ALMS1: variants seen among roughly 807,000 people sequenced by gnomAD.
The protein encoded by ALMS1 is centrosome-associated protein ALMS1.
A neutral mutation model predicts 352.2 loss-of-function variants in ALMS1; 271 were observed. The observed-to-expected ratio is 0.77, with a 90% CI of 0.70 to 0.85. The LOEUF is 0.85. ALMS1 is among the 40% of genes least tolerant of loss of function. ALMS1 has a pLI of 0.00. For synonymous variants in ALMS1, 1,865 were observed against 1,761.2 expected, an observed-to-expected ratio of 1.06 and a Z score of -1.48; for missense variants, 5,445 against 4,870.7, an observed-to-expected ratio of 1.12 and a Z score of -3.51.
chr2:73,507,286 G>A (rs568267497), intron 10 of ALMS1, among the ~76,000 whole-genome samples: 5 of 152,252 alleles, frequency 3.3e-5, no homozygotes, highest in African/African-American at 1.2e-4. Context: ...GATGATGCTG[G>A]CCTCATAAAA....
rs549757247 is a variant in ALMS1 at position 73,572,894 on chromosome 2, C to A, written c.11017C>A (p.Leu3673Ile). ...TGGTAGACAACAGCAGAGAAATAAG[C>A]TTCAGAAAAAGAAGCGGTTTAAAAG... is the stretch of plus-strand genomic sequence containing the variant. ...WSGRQQQRNKLQKKKRFKSLE... is the reference protein window; with the variant it reads ...WSGRQQQRNKIQKKKRFKSLE... The change falls in exon 16 of 23, where the codon CTT becomes ATT. Residue 3673 changes from leucine to isoleucine, a missense_variant. By Grantham distance (5) the Leu-to-Ile change is conservative. Transcript: ENST00000613296. The A allele has an allele frequency of 1.9e-5, 31 of 1,613,900 alleles. No individual in the cohort carries two copies. In the African/African-American group the frequency reaches 2.4e-4, roughly 13 times the overall value.
chr2:73,444,614 CT>C (rs1324994336), intron 7 of ALMS1, among the ~76,000 whole-genome samples: 2 of 152,140 alleles, frequency 1.3e-5, no homozygotes, highest in Non-Finnish European at 2.9e-5. Context: ...GCCCTATTAT[CT>C]TTTGAAACTA....
At position 73,599,501 on chromosome 2, in the gene ALMS1, T is replaced by TGTTA. The variant is rs760264695; in HGVS notation, c.11648_11649insGTTA (p.Asn3884LeufsTer9). The TGTTA allele has an allele frequency of 8.1e-6, 13 of 1,613,674 alleles. No individual in the cohort carries two copies. The highest frequency in any genetic ancestry group is 1.1e-5 in the Non-Finnish European group (13 of 1,179,708). On this transcript the variant is annotated frameshift_variant, in exon 17 of 23. Coordinates refer to ENST00000613296, the MANE Select transcript of ALMS1 (RefSeq NM_001378454.1). LOFTEE classifies it high-confidence loss of function. ...TGCAACAAGCAGAATGTACACATGT[T>TGTTA]AAACAAGGGCATACAAGCAGGTAAT... is the stretch of plus-strand genomic sequence containing the variant.
intron 12 of ALMS1, among the ~76,000 whole-genome samples, chr2:73,546,242 G>C (rs1248834531): frequency 6.6e-6 from 1 of 152,212 alleles, no homozygotes; most frequent in Non-Finnish European, 1.5e-5. Context: ...TATATGGTAT[G>C]ATCCCTGTAA....
At chr2:73,544,058 C>T (rs1674257095) in intron 12 of ALMS1, among the ~76,000 whole-genome samples, 1 of 152,160 alleles carries the variant, frequency 6.6e-6, no homozygotes, top group African/African-American at 2.4e-5. Flanking sequence ...TATAAAGACA[C>T]ATGCACAGGT....
intron 12 of ALMS1, among the ~76,000 whole-genome samples, chr2:73,542,743 A>G (rs1674216255): frequency 6.6e-6 from 1 of 152,206 alleles, no homozygotes; most frequent in Non-Finnish European, 1.5e-5. Context: ...GAGCCAAATC[A>G]TGAGTGAACT....
chr2:73,434,313 G>A (rs1206165767), intron 7 of ALMS1, among the ~76,000 whole-genome samples: 2 of 151,896 alleles, frequency 1.3e-5, no homozygotes, highest in Non-Finnish European at 2.9e-5. Flanking sequence ...TTATATTTTT[G>A]TTTTAGTTCA....
intron 15 of ALMS1, among the ~76,000 whole-genome samples, chr2:73,567,007 C>T (rs1302268831): frequency 6.6e-6 from 1 of 152,238 alleles, no homozygotes; most frequent in African/African-American, 2.4e-5. Context: ...GGCCTGCCAT[C>T]CTCCCAGCTT....
In ALMS1 at chr2:73,491,086, G is replaced by A. The variant is rs373870241; in HGVS notation, c.9127G>A (p.Ala3043Thr). 20 of 1,614,176 alleles carry A rather than the reference G, an allele frequency of 1.2e-5. No individual in the cohort carries two copies. The highest frequency in any genetic ancestry group is 1.5e-5 in the Non-Finnish European group (18 of 1,180,022). ...SASTPPSNRK[A>T]LSCVHITLCP... ...ATCTACTCCTCCTTCAAATAGAAAA[G>A]CACTTTCTTGTGTTCATATAACTCT... Residue 3043 changes from alanine to threonine, a missense_variant, in exon 10 of 23, where the codon GCA (alanine) becomes ACA (threonine). Coordinates refer to ENST00000613296, the MANE Select transcript of ALMS1 (RefSeq NM_001378454.1).
chr2:73,436,608 T>C (rs1572922491), intron 7 of ALMS1, among the ~76,000 whole-genome samples: 1 of 152,262 alleles, frequency 6.6e-6, no homozygotes, highest in African/African-American at 2.4e-5. Flanking sequence ...GCATAGTCTC[T>C]ATTCATTTAT....
intron 16 of ALMS1, among the ~76,000 whole-genome samples, chr2:73,585,240 A>C (rs1243719736): frequency 6.6e-6 from 1 of 152,148 alleles, no homozygotes; most frequent in Non-Finnish European, 1.5e-5. Flanking sequence ...TTACATTCCC[A>C]CCAGCAGTGT....
chr2:73,442,120 A>T (rs1457500750), intron 7 of ALMS1, among the ~76,000 whole-genome samples: 2 of 152,090 alleles, frequency 1.3e-5, no homozygotes, highest in Non-Finnish European at 2.9e-5. Context: ...TTATTATTAT[A>T]ATGTATATTA....
At chr2:73,569,952 A>G (rs1674884007) in intron 15 of ALMS1, among the ~76,000 whole-genome samples, 1 of 152,386 alleles carries the variant, frequency 6.6e-6, no homozygotes, top group African/African-American at 2.4e-5. Context: ...CATTTTAAAA[A>G]GACTACTTTG....
intron 12 of ALMS1, among the ~76,000 whole-genome samples, chr2:73,540,614 G>A (rs1674153381): frequency 6.6e-6 from 1 of 152,176 alleles, no homozygotes; most frequent in African/African-American, 2.4e-5. Flanking sequence ...TCCGTGTGCT[G>A]TATTCAGGAA....
intron 6 of ALMS1, among the ~76,000 whole-genome samples, chr2:73,428,766 T>G (rs1300991422): frequency 6.6e-6 from 1 of 152,196 alleles, no homozygotes; most frequent in African/African-American, 2.4e-5. Flanking sequence ...TTATTTAATG[T>G]CAATATCAGA....
intron 12 of ALMS1, among the ~76,000 whole-genome samples, chr2:73,541,226 A>T (rs1382510053): frequency 6.6e-6 from 1 of 152,224 alleles, no homozygotes; most frequent in Non-Finnish European, 1.5e-5. Flanking sequence ...ACTCACTCAG[A>T]ACCGCTCGAC....
At chr2:73,485,933 C>G (rs1480198651) in intron 9 of ALMS1, among the ~76,000 whole-genome samples, 1 of 151,980 alleles carries the variant, frequency 6.6e-6, no homozygotes, top group Admixed American at 6.6e-5. Flanking sequence ...TGCTTCGTCT[C>G]GCACACGGTG....
At position 73,454,372 on chromosome 2, in the gene ALMS1, T is replaced by C. The variant is rs1249169268; in HGVS notation, c.7540+305T>C. 8 of 985,054 alleles carry C rather than the reference T, an allele frequency of 8.1e-6. No homozygotes were observed. The East Asian group carries it at 9.1e-4, about 112-fold the overall frequency. 61.0% of individuals were successfully genotyped at this position (985,054 alleles called of 1,614,324 possible). A position where few individuals can be genotyped will look rare whatever the true frequency, so the allele number is the denominator to read the frequency against. ...GTAGATTCTGATGTATGACAGAGAG[T>C]AAAGAGGTCGCTTGGGCTCCTGAGC... On this transcript the variant is annotated intron_variant, in intron 8 of 22. Coordinates refer to ENST00000613296, the MANE Select transcript of ALMS1 (RefSeq NM_001378454.1).
rs767987000 is a variant in ALMS1 at position 73,491,392 on chromosome 2, A to G, written c.9433A>G (p.Ile3145Val). ...CACTATTACTCAGGACTTGAAAACCATACCTTCTCAGAATAGCCAGATAGT... is the reference window on the plus strand; with the variant it reads ...CACTATTACTCAGGACTTGAAAACCGTACCTTCTCAGAATAGCCAGATAGT... Reference protein sequence around the residue: ...SNTITQDLKTIPSQNSQIVTS... With the variant: ...SNTITQDLKTVPSQNSQIVTS... Residue 3145 changes from isoleucine to valine, a missense_variant, in exon 10 of 23, where the codon ATA becomes GTA. Physicochemically the swap from Ile to Val is conservative, Grantham distance 29 (BLOSUM62 3). Transcript: ENST00000613296. The G allele has an allele frequency of 6.8e-6, 11 of 1,614,186 alleles. No homozygotes were observed. Among genetic ancestry groups the G allele is most frequent in the Middle Eastern group, 1.6e-4 (1 of 6,062 alleles).
Sources: gnomAD v4.1 joint callset for allele counts (sites outside exome capture counted in the v4.1 genomes callset) on GRCh38, gnomAD v4.1.1 for gene constraint, MANE v1.5 for transcripts, NCBI Gene and HGNC (gene_info 2026-07-23, HGNC 2026-07-21) for gene names.